The following LRRC4C variants were observed in gnomAD, a reference collection of about 807,000 sequenced individuals.
LRRC4C encodes the protein leucine rich repeat containing 4C, also known as leucine-rich repeat-containing protein 4C.
A neutral mutation model predicts 33.6 loss-of-function variants in LRRC4C; 5 were observed. The observed-to-expected ratio is 0.15, with a 90% CI of 0.08 to 0.31. The LOEUF (loss-of-function observed/expected upper bound fraction) is 0.31, where lower values mean the gene tolerates loss of function less well. LRRC4C is among the 10% of genes least tolerant of loss of function. LRRC4C has a pLI of 1.00. For synonymous variants in LRRC4C, 329 were observed against 302.0 expected, an observed-to-expected ratio of 1.09 and a Z score of -0.93; for missense variants, 560 against 796.7, an observed-to-expected ratio of 0.70 and a Z score of 3.58.
intron 1 of LRRC4C, among the ~76,000 whole-genome samples, chr11:41,376,168 G>A (rs2137835022): frequency 6.6e-6 from 1 of 152,068 alleles, no homozygotes; most frequent in Middle Eastern, 3.4e-3. Flanking sequence ...AAAATGAACT[G>A]AGTTCCCAGG....
chr11:40,838,285 G>A (rs1431596341), intron 2 of LRRC4C, among the ~76,000 whole-genome samples: 2 of 152,130 alleles, frequency 1.3e-5, no homozygotes, highest in Admixed American at 6.5e-5. Context: ...TTGGCTAATT[G>A]AAACAACTGT....
At chr11:41,264,688 T>C (rs1303621164) in intron 1 of LRRC4C, among the ~76,000 whole-genome samples, 1 of 152,154 alleles carries the variant, frequency 6.6e-6, no homozygotes, top group Non-Finnish European at 1.5e-5. Flanking sequence ...CTGTGTTAGA[T>C]ATCAGGCAAG....
At chr11:40,898,647 G>C (rs1191796617) in intron 2 of LRRC4C, among the ~76,000 whole-genome samples, 1 of 151,994 alleles carries the variant, frequency 6.6e-6, no homozygotes, top group Admixed American at 6.6e-5. Flanking sequence ...TTATAAATTG[G>C]AGAAAACTCA....
At chr11:40,280,011 GTATC>G (rs1241718801) in intron 4 of LRRC4C, among the ~76,000 whole-genome samples, 1 of 152,134 alleles carries the variant, frequency 6.6e-6, no homozygotes, top group East Asian at 1.9e-4. Context: ...TTTCAGGTGA[GTATC>G]TGTGCATATT....
At chr11:40,838,809 G>A (rs1952791002) in intron 2 of LRRC4C, among the ~76,000 whole-genome samples, 2 of 151,780 alleles carry the variant, frequency 1.3e-5, no homozygotes, top group African/African-American at 4.8e-5. Flanking sequence ...AGTAAAAACT[G>A]CTGAAAGTTA....
intron 2 of LRRC4C, among the ~76,000 whole-genome samples, chr11:40,701,418 C>T (rs986822050): frequency 6.6e-6 from 1 of 151,466 alleles, no homozygotes; most frequent in Non-Finnish European, 1.5e-5. Context: ...TGTAATAAAG[C>T]GTATTTGCAG....
intron 1 of LRRC4C, among the ~76,000 whole-genome samples, chr11:40,989,255 A>G (rs1446927078): frequency 6.6e-6 from 1 of 152,156 alleles, no homozygotes; most frequent in Non-Finnish European, 1.5e-5. Flanking sequence ...TAGACATTTT[A>G]AAGTTTGTCA....
chr11:41,097,997 TA>T (rs149388087), intron 1 of LRRC4C, among the ~76,000 whole-genome samples: 2 of 151,898 alleles, frequency 1.3e-5, no homozygotes, highest in East Asian at 1.9e-4. Flanking sequence ...ATATTTCCAT[TA>T]AAAAAAATTC....
intron 6 of LRRC4C, among the ~76,000 whole-genome samples, chr11:40,117,748 C>A (rs1855538459): frequency 6.6e-6 from 1 of 151,534 alleles, no homozygotes; most frequent in Admixed American, 6.6e-5. Context: ...CATTTCAATT[C>A]AAAAAGGCAC....
At chr11:40,763,048 C>T (rs572736005) in intron 2 of LRRC4C, among the ~76,000 whole-genome samples, 53 of 149,640 alleles carry the variant, frequency 3.5e-4, no homozygotes, top group Non-Finnish European at 6.1e-4. Context: ...TCCCTCTCTC[C>T]AAATATATAT....
intron 5 of LRRC4C, among the ~76,000 whole-genome samples, chr11:40,216,520 G>T (rs1863989067): frequency 6.6e-6 from 1 of 152,026 alleles, no homozygotes; most frequent in Admixed American, 6.6e-5. Flanking sequence ...GTTTTCAAGA[G>T]GCCAAATGAA....
chr11:40,364,769 A>G (rs1285075384), intron 3 of LRRC4C, among the ~76,000 whole-genome samples: 1 of 152,092 alleles, frequency 6.6e-6, no homozygotes, highest in African/African-American at 2.4e-5. Flanking sequence ...TATATTGCAT[A>G]AAAATGGTAA....
intron 3 of LRRC4C, chr11:40,446,131 CA>C (rs1440156176): frequency 6.6e-6 from 1 of 152,182 alleles, no homozygotes; most frequent in Non-Finnish European, 1.5e-5. Context: ...TTTATACCCA[CA>C]TGAGGTCTCT....
At chr11:40,664,982 A>ATC (rs1257711367) in intron 2 of LRRC4C, among the ~76,000 whole-genome samples, 1 of 136,280 alleles carries the variant, frequency 7.3e-6, no homozygotes, top group Non-Finnish European at 1.5e-5. Context: ...TGTCCAAGTG[A>ATC]TCTCATTGTT....
At chr11:40,358,184 A>AAAATAAATAAAT (rs71060956) in intron 3 of LRRC4C, among the ~76,000 whole-genome samples, 1 of 150,386 alleles carries the variant, frequency 6.6e-6, no homozygotes, top group African/African-American at 2.5e-5. Flanking sequence ...CTCTGTCTCA[A>AAAATAAATAAAT]AAATAAATAA....
intron 3 of LRRC4C, among the ~76,000 whole-genome samples, chr11:40,489,572 T>C (rs1416125965): frequency 1.3e-5 from 2 of 152,104 alleles, no homozygotes; most frequent in African/African-American, 4.8e-5. Flanking sequence ...TCCGTCTCTG[T>C]AGTTTCTAGT....
intron 1 of LRRC4C, among the ~76,000 whole-genome samples, chr11:41,272,450 A>T (rs1458384484): frequency 6.6e-6 from 1 of 152,130 alleles, no homozygotes; most frequent in Non-Finnish European, 1.5e-5. Flanking sequence ...TCAAACTTGC[A>T]GTGAAATAGG....
intron 1 of LRRC4C, among the ~76,000 whole-genome samples, chr11:41,256,110 A>T (rs953565908): frequency 1.3e-5 from 2 of 152,052 alleles, no homozygotes; most frequent in African/African-American, 4.8e-5. Flanking sequence ...CAGAAAGCAG[A>T]TTGATATTTT....
intron 1 of LRRC4C, chr11:41,423,787 A>G (rs1450206644): frequency 6.6e-6 from 1 of 152,010 alleles, no homozygotes; most frequent in Non-Finnish European, 1.5e-5. Flanking sequence ...ATTTTCAAAG[A>G]GGCTAGGAGG....
Sources: allele counts gnomAD v4.1 joint callset (sites outside exome capture counted in the v4.1 genomes callset), GRCh38; gene constraint gnomAD v4.1.1; transcripts MANE v1.5; gene names NCBI Gene and HGNC (gene_info 2026-07-23, HGNC 2026-07-21).